Variants in RBFOX1 observed in about 807,000 individuals in gnomAD.
RBFOX1 encodes the protein RNA binding fox-1 homolog 1.
A neutral mutation model predicts 57.7 loss-of-function variants in RBFOX1; 8 were observed. The observed-to-expected ratio is 0.14, with a 90% CI of 0.08 to 0.25. The LOEUF is 0.25. Ranked by LOEUF, RBFOX1 falls within the 10% of genes least tolerant of loss-of-function variation. The pLI is 1.00. For synonymous variants in RBFOX1, 326 were observed against 222.4 expected, an observed-to-expected ratio of 1.47 and a Z score of -4.15; for missense variants, 611 against 548.5, an observed-to-expected ratio of 1.11 and a Z score of -1.14.
chr16:6,918,628 C>T (rs932562918), intron 3 of RBFOX1, among the ~76,000 whole-genome samples: 4 of 152,266 alleles, frequency 2.6e-5, no homozygotes, highest in Middle Eastern at 3.4e-3. Context: ...TCATACCCTT[C>T]TCAGTGAAAA....
Position 7,096,887 on chromosome 16 carries a change from G to A in RBFOX1, c.27+44789G>A, listed in dbSNP as rs184200573. On this transcript the variant is annotated intron_variant, in intron 4 of 15. Transcript: ENST00000550418. ...GCGGAGGTTGCAGTTGGCCGAGATC[G>A]TACCACTGCACTCTAGCTTGGGTGA... 5.1e-3 allele frequency among the ~76,000 whole-genome samples: 643 copies of A among 126,800 alleles called. 4 individuals carry two copies. Among genetic ancestry groups the A allele is most frequent in the African/African-American group, 0.018 (601 of 33,444 alleles). 83.2% of individuals were successfully genotyped at this position (126,800 alleles called of 152,430 possible).
chr16:6,695,925 C>T (rs760311256), intron 3 of RBFOX1, among the ~76,000 whole-genome samples: 3 of 152,130 alleles, frequency 2.0e-5, no homozygotes, highest in Non-Finnish European at 2.9e-5. Flanking sequence ...AAATAGTGGA[C>T]AACTGACTGT....
intron 4 of RBFOX1, among the ~76,000 whole-genome samples, chr16:5,987,137 C>T (rs554717488): frequency 9.2e-5 from 14 of 152,274 alleles, no homozygotes; most frequent in Admixed American, 3.9e-4. Flanking sequence ...ATGTCGAATA[C>T]GTTCTTATGT....
chr16:6,552,549 G>T (rs533635692), intron 2 of RBFOX1, among the ~76,000 whole-genome samples: 1 of 152,164 alleles, frequency 6.6e-6, no homozygotes, highest in Admixed American at 6.5e-5. Flanking sequence ...TGTTATCCCA[G>T]TGTTGTGTGC....
At chr16:7,559,195 T>C (rs2089655718) in intron 5 of RBFOX1, among the ~76,000 whole-genome samples, 1 of 152,190 alleles carries the variant, frequency 6.6e-6, no homozygotes, top group Non-Finnish European at 1.5e-5. Flanking sequence ...TCAAATTCAA[T>C]ATAAAAGATC....
At chr16:6,821,037 A>G (rs762466441) in intron 3 of RBFOX1, among the ~76,000 whole-genome samples, 1 of 152,212 alleles carries the variant, frequency 6.6e-6, no homozygotes, top group Non-Finnish European at 1.5e-5. Flanking sequence ...TTAACCCTAC[A>G]AAACAGATTC....
At chr16:7,600,073 G>A (rs2094929635) in intron 9 of RBFOX1, among the ~76,000 whole-genome samples, 1 of 152,070 alleles carries the variant, frequency 6.6e-6, no homozygotes. Flanking sequence ...ATTATTAAAT[G>A]TGCAACCTCG....
At chr16:5,389,234 T>G (rs2066338459) in intron 1 of RBFOX1, among the ~76,000 whole-genome samples, 1 of 151,994 alleles carries the variant, frequency 6.6e-6, no homozygotes, top group Non-Finnish European at 1.5e-5. Flanking sequence ...ATGATTTTTG[T>G]GAAAATTTCA....
chr16:7,181,985 A>G (rs2082807897), intron 4 of RBFOX1, among the ~76,000 whole-genome samples: 1 of 152,218 alleles, frequency 6.6e-6, no homozygotes, highest in Non-Finnish European at 1.5e-5. Flanking sequence ...AGAGATAGTG[A>G]ATAACAAGCA....
intron 3 of RBFOX1, among the ~76,000 whole-genome samples, chr16:6,895,594 A>G (rs1641803007): frequency 6.6e-6 from 1 of 151,258 alleles, no homozygotes; most frequent in African/African-American, 2.4e-5. Context: ...ATTTTTTTAA[A>G]GGAGGAAGTG....
chr16:5,577,316 G>C (rs1596326312), intron 2 of RBFOX1, among the ~76,000 whole-genome samples: 1 of 152,188 alleles, frequency 6.6e-6, no homozygotes, highest in African/African-American at 2.4e-5. Flanking sequence ...GTGGGATCAA[G>C]CTCTTCCTTC....
chr16:7,452,479 A>G (rs957168796), intron 4 of RBFOX1, among the ~76,000 whole-genome samples: 3 of 152,198 alleles, frequency 2.0e-5, no homozygotes, highest in African/African-American at 2.4e-5. Context: ...TGTCTTTCCC[A>G]TTACAGAAAG....
intron 4 of RBFOX1, among the ~76,000 whole-genome samples, chr16:7,460,726 A>T (rs563700061): frequency 2.0e-5 from 3 of 152,124 alleles, no homozygotes; most frequent in African/African-American, 7.2e-5. Flanking sequence ...AAAATTTTAA[A>T]CAATGAGATA....
At chr16:7,367,956 C>G (rs1211813401) in intron 4 of RBFOX1, among the ~76,000 whole-genome samples, 1 of 151,866 alleles carries the variant, frequency 6.6e-6, no homozygotes, top group Non-Finnish European at 1.5e-5. Flanking sequence ...CCAAGGGTCA[C>G]CAGTTTATAA....
chr16:6,022,011 C>T (rs1467208420), intron 1 of RBFOX1, among the ~76,000 whole-genome samples: 1 of 152,150 alleles, frequency 6.6e-6, no homozygotes, highest in Admixed American at 6.5e-5. Context: ...TATACACACA[C>T]GTTTTCTTTT....
At chr16:6,228,729 A>G (rs1053966951) in intron 1 of RBFOX1, among the ~76,000 whole-genome samples, 2 of 152,138 alleles carry the variant, frequency 1.3e-5, no homozygotes, top group Admixed American at 1.3e-4. Flanking sequence ...CAAGAGATCT[A>G]TTGTACAATA....
intron 2 of RBFOX1, among the ~76,000 whole-genome samples, chr16:5,553,559 C>A (rs1419101457): frequency 6.6e-6 from 1 of 151,886 alleles, no homozygotes; most frequent in African/African-American, 2.4e-5. Flanking sequence ...TCGTGATCTG[C>A]CCGTCTCAGC....
At chr16:6,722,606 G>C (rs1017936857) in intron 3 of RBFOX1, among the ~76,000 whole-genome samples, 1 of 152,108 alleles carries the variant, frequency 6.6e-6, no homozygotes, top group African/African-American at 2.4e-5. Context: ...TAATCAAGGG[G>C]TCCTTAAGTT....
intron 4 of RBFOX1, among the ~76,000 whole-genome samples, chr16:7,507,794 ACGT>A (rs1460202800): frequency 6.6e-6 from 1 of 151,922 alleles, no homozygotes; most frequent in Non-Finnish European, 1.5e-5. Flanking sequence ...CGATGTCCTG[ACGT>A]CGTGATCCGC....
Sources: allele counts gnomAD v4.1 joint callset (sites outside exome capture counted in the v4.1 genomes callset), GRCh38; gene constraint gnomAD v4.1.1; transcripts MANE v1.5; gene names NCBI Gene and HGNC (gene_info 2026-07-23, HGNC 2026-07-21).